Variants in GALNT9 observed in about 807,000 individuals in gnomAD.
GALNT9 encodes the protein polypeptide N-acetylgalactosaminyltransferase 9.
GALNT9 carries 47 observed loss-of-function variants against 63.1 expected under a neutral mutation model. That is an observed-to-expected ratio of 0.75 (90% CI 0.59 to 0.95). GALNT9 has a LOEUF of 0.95. Ranked by LOEUF, GALNT9 falls within the 40% of genes least tolerant of loss-of-function variation. GALNT9 has a pLI of 0.00. For missense variants in GALNT9, 829 were observed against 874.8 expected (o/e 0.95, Z 0.66); for synonymous variants, 396 against 365.7 (o/e 1.08, Z -0.94).
intron 1 of GALNT9, among the ~76,000 whole-genome samples, chr12:132,305,111 A>G (rs1374415719): frequency 1.8e-4 from 10 of 54,540 alleles, no homozygotes; most frequent in South Asian, 7.1e-4. Context: ...AGCCTCACCC[A>G]GACACGCCCT....
At chr12:132,321,798 T>A (rs1245692093) in intron 1 of GALNT9, among the ~76,000 whole-genome samples, 3 of 151,486 alleles carry the variant, frequency 2.0e-5, no homozygotes, top group Non-Finnish European at 4.4e-5. Flanking sequence ...CACACACCTG[T>A]CCCCTCACAC....
chr12:132,199,939 GA>G (rs1285967940), intron 8 of GALNT9, among the ~76,000 whole-genome samples: 9 of 152,228 alleles, frequency 5.9e-5, no homozygotes, highest in African/African-American at 1.9e-4. Flanking sequence ...CGGCCACCAC[GA>G]GAGGTCACAC....
intron 6 of GALNT9, among the ~76,000 whole-genome samples, chr12:132,221,260 G>A (rs1325175579): frequency 1.4e-5 from 2 of 141,508 alleles, no homozygotes; most frequent in Non-Finnish European, 3.0e-5. Context: ...GGCTGAGGCA[G>A]CAGCATCACT....
intron 6 of GALNT9, among the ~76,000 whole-genome samples, chr12:132,212,118 G>A (rs918297701): frequency 2.6e-5 from 4 of 151,774 alleles, no homozygotes; most frequent in Admixed American, 1.3e-4. Flanking sequence ...CCTTCAGACC[G>A]TGACACGGAA....
chr12:132,268,879 C>T (rs947261193), intron 2 of GALNT9, among the ~76,000 whole-genome samples: 2 of 152,230 alleles, frequency 1.3e-5, no homozygotes, highest in East Asian at 1.9e-4. Context: ...CGTACAAAAG[C>T]GGCGCCGGTG....
At position 132,239,931 on chromosome 12, in the gene GALNT9, T is replaced by G. The variant is rs2136897552; in HGVS notation, c.1077+7979A>C. On this transcript the variant is annotated intron_variant, in intron 6 of 10. Coordinates refer to ENST00000328957, the MANE Select transcript of GALNT9 (RefSeq NM_001122636.2). ...GGGGAATCATTTCTTGTGAGGGGCC[T>G]GGCCTCAGGCAGCCGCCTGCCTGGG... Among the ~76,000 whole-genome samples the G allele has an allele frequency of 1.7e-4, 26 of 152,006 alleles. No homozygotes were observed. In the South Asian group the frequency reaches 4.6e-3, roughly 27 times the overall value.
chr12:132,275,738 C>G (rs532908662), intron 2 of GALNT9: 1 of 152,302 alleles, frequency 6.6e-6, no homozygotes, highest in Non-Finnish European at 1.5e-5. Flanking sequence ...TGATCGTCTG[C>G]GATCGGCGCG....
At position 132,286,221 on chromosome 12, in the gene GALNT9, CG is replaced by C; in HGVS notation, c.419+28del. The C allele has an allele frequency of 6.6e-7, 1 of 1,513,730 alleles. No individual in the cohort carries two copies. Among genetic ancestry groups the C allele is most frequent in the Non-Finnish European group, 8.9e-7 (1 of 1,126,766 alleles). The allele number at this position is 1,513,730 out of a possible 1,614,324, so 93.8% of individuals were successfully genotyped here. A position where few individuals can be genotyped will look rare whatever the true frequency, so the allele number is the denominator to read the frequency against. On this transcript the variant is annotated intron_variant, in intron 2 of 10. Transcript: ENST00000328957. This position sits in a 1 kb window ranked among gnomAD's most constrained non-coding sequence, Gnocchi z 7.4. ...GGGCGGTCACTTCCTCGGCGGGCGTCGGGGGATGGGGGGCAGTCACTCACTC... is the reference window on the plus strand; with the variant it reads ...GGGCGGTCACTTCCTCGGCGGGCGTCGGGGATGGGGGGCAGTCACTCACTC...
intron 8 of GALNT9, chr12:132,200,508 C>G (rs533760625): frequency 2.3e-4 from 35 of 152,584 alleles, no homozygotes; most frequent in African/African-American, 7.9e-4. Context: ...TGTACACACA[C>G]ACATTATTTT....
chr12:132,274,359 A>ACGCC (rs1304517172), intron 2 of GALNT9: 4 of 148,048 alleles, frequency 2.7e-5, no homozygotes, highest in Non-Finnish European at 4.5e-5. Context: ...ATGGCCACAC[A>ACGCC]CGCCCTCACC....
At chr12:132,277,366 C>T (rs1221220634) in intron 2 of GALNT9, 1 of 154,932 alleles carries the variant, frequency 6.5e-6, no homozygotes, top group Admixed American at 6.5e-5. Flanking sequence ...ACCGCGATGC[C>T]ACGTCCAGTC....
At position 132,197,826 on chromosome 12, in the gene GALNT9, G is replaced by T; in HGVS notation, c.1631C>A (p.Ala544Glu). Residue 544 changes from alanine (A) to glutamate (E), a missense_variant, in exon 10 of 11, where the codon GCG becomes GAG. Ala to Glu is a moderately radical substitution (Grantham distance 107, BLOSUM62 -1). Coordinates refer to ENST00000328957, the MANE Select transcript of GALNT9 (RefSeq NM_001122636.2). ...GTCCCACAGCCGCTGTGTTGGCCGC[G>T]CCACATCCTCACACTTCTTCAGGGT... ...MPTLKKCEDV[A>E]RPTQRLWDFT... is the part of the protein sequence containing the mutation. 1 of 1,586,910 alleles carries T rather than the reference G, an allele frequency of 6.3e-7. No homozygotes were observed.
intron 6 of GALNT9, chr12:132,240,403 T>C: frequency 2.8e-6 from 1 of 353,156 alleles, no homozygotes; most frequent in South Asian, 2.1e-5. Flanking sequence ...AGGGACCCTT[T>C]GGCTTCCAGC....
Position 132,316,942 on chromosome 12 carries a change from AGAGCACAGCCTGCACCCTACACCCCACG to A in GALNT9, c.238+11996_238+12023del. Among the ~76,000 whole-genome samples the A allele has an allele frequency of 6.8e-6, 1 of 147,160 alleles. No individual in the cohort carries two copies. The highest frequency in any genetic ancestry group is 2.5e-5 in the African/African-American group (1 of 39,452). ...GCACAGCCTGCATCCTACACCCCAC[AGAGCACAGCCTGCACCCTACACCCCACG>A]GAGCATGGTCCTATTCTACACCCAC... On this transcript the variant is annotated intron_variant, in intron 1 of 10. Coordinates refer to ENST00000328957, the MANE Select transcript of GALNT9 (RefSeq NM_001122636.2). This position sits in a 1 kb window ranked among gnomAD's most constrained non-coding sequence, Gnocchi z 4.3.
intron 6 of GALNT9, among the ~76,000 whole-genome samples, chr12:132,243,389 G>C (rs1450137770): frequency 6.6e-6 from 1 of 150,546 alleles, no homozygotes; most frequent in Admixed American, 6.6e-5. Context: ...CCCGTCCTCC[G>C]GAGCTCTCTC....
In GALNT9 at chr12:132,326,678, G is replaced by A. The variant is rs143467958; in HGVS notation, c.238+2288C>T. Among the ~76,000 whole-genome samples, 12 of 152,302 alleles carry A rather than the reference G, an allele frequency of 7.9e-5. 1 individual carries two copies. The highest frequency in any genetic ancestry group is 5.8e-4 in the East Asian group (3 of 5,190). On this transcript the variant is annotated intron_variant, in intron 1 of 10. Transcript: ENST00000328957. ...AAAAGGGATCAATCCATTTTGTTTCGGATTTCCCCCTCTCCTTTCTGAACT... is the reference window on the plus strand; with the variant it reads ...AAAAGGGATCAATCCATTTTGTTTCAGATTTCCCCCTCTCCTTTCTGAACT...
intron 7 of GALNT9, among the ~76,000 whole-genome samples, chr12:132,202,359 C>T (rs1020442580): frequency 1.4e-4 from 22 of 152,278 alleles, no homozygotes; most frequent in African/African-American, 1.9e-4. Flanking sequence ...CTCTCAGACA[C>T]GAGTGCACGT....
chr12:132,226,905 C>T (rs1877716321), intron 6 of GALNT9, among the ~76,000 whole-genome samples: 1 of 149,414 alleles, frequency 6.7e-6, no homozygotes, highest in African/African-American at 2.5e-5. Context: ...ACACGCCCCA[C>T]ACACACCATA....
In GALNT9 at chr12:132,197,206, C is replaced by T; in HGVS notation, c.1713G>A (p.Glu571=). 1 of 1,613,930 alleles carries T rather than the reference C, an allele frequency of 6.2e-7. No individual in the cohort carries two copies. Among genetic ancestry groups the T allele is most frequent in the African/African-American group, 1.3e-5 (1 of 75,058 alleles). Reference sequence around the variant, plus strand: ...GCCCAAAGTTGGCATCTTTGGACATCTCCACCTCCAGGCAGCGGCCCGTGG... The same window carrying T: ...GCCCAAAGTTGGCATCTTTGGACATTTCCACCTCCAGGCAGCGGCCCGTGG... ...SRATGRCLEV[E]MSKDANFGLR... The change falls in exon 11 of 11, where the codon GAG becomes GAA. Residue 571 remains glutamate (E), a synonymous_variant. Transcript: ENST00000328957.
Sources: gnomAD v4.1 joint callset for allele counts (sites outside exome capture counted in the v4.1 genomes callset) on GRCh38, gnomAD v4.1.1 for gene constraint, Gnocchi (gnomAD v3.1) non-coding constraint, MANE v1.5 for transcripts, NCBI Gene and HGNC (gene_info 2026-07-23, HGNC 2026-07-21) for gene names.